Variants in RTF1 observed in about 807,000 individuals in gnomAD.
RTF1 encodes RTF1 homolog, Paf1/RNA polymerase II complex component.
In RTF1, 10 loss-of-function variants were observed where a neutral mutation model predicts 95.7. That is an observed-to-expected ratio of 0.10 (90% CI 0.06 to 0.18). The LOEUF is 0.18. Ranked by LOEUF, RTF1 falls within the 10% of genes least tolerant of loss-of-function variation. The probability of loss-of-function intolerance (pLI) is 1.00; values close to 1 mark genes in which losing one functional copy is unlikely to be tolerated. For missense variants in RTF1, 458 were observed against 875.6 expected (o/e 0.52, Z 6.02); for synonymous variants, 305 against 311.8 (o/e 0.98, Z 0.23).
chr15:41,457,478 T>C (rs316612), intron 3 of RTF1, among the ~76,000 whole-genome samples, 194 bp from the exon 4 acceptor site: 2,933 of 152,094 alleles, frequency 0.019, 47 homozygotes, highest in Non-Finnish European at 0.03. Flanking sequence ...GGAGCTGAGA[T>C]TGTGCCACTG....
At chr15:41,451,790 G>A (rs1595433115) in intron 2 of RTF1, among the ~76,000 whole-genome samples, 1 of 152,070 alleles carries the variant, frequency 6.6e-6, no homozygotes, top group Non-Finnish European at 1.5e-5. Flanking sequence ...TCTCTGTACT[G>A]AAACCCAGAC....
At chr15:41,478,674 C>T (rs1044219657) in intron 15 of RTF1, 49 bp downstream of exon 15, 3 of 1,362,458 alleles carry the variant, frequency 2.2e-6, no homozygotes, top group African/African-American at 1.4e-5. Flanking sequence ...TTCTAGGACA[C>T]AAAATGAATT....
rs190549767 is a variant in RTF1, at chr15:41,454,812, T to C, written c.457+1764T>C. Among the ~76,000 whole-genome samples, 539 of 152,336 alleles carry C rather than the reference T, an allele frequency of 3.5e-3. 3 individuals carry two copies. The highest frequency in any genetic ancestry group is 0.012 in the African/African-American group (501 of 41,584). On this transcript the variant is annotated intron_variant, in intron 3 of 17. Coordinates refer to ENST00000389629, the MANE Select transcript of RTF1 (RefSeq NM_015138.5). ...GAAGTGGACATTTGATAACTGTTGC[T>C]ATTTCAACTTAAATTAACTAAAAAG... is the stretch of plus-strand genomic sequence containing the variant.
At chr15:41,474,246 C>CA (rs2050930949) in intron 8 of RTF1, among the ~76,000 whole-genome samples, 2 of 152,208 alleles carry the variant, frequency 1.3e-5, no homozygotes, top group African/African-American at 4.8e-5. Flanking sequence ...TGAGGACCTG[C>CA]AGCCATGCCA....
chr15:41,456,160 A>G (rs2050814307), intron 3 of RTF1, among the ~76,000 whole-genome samples: 1 of 148,632 alleles, frequency 6.7e-6, no homozygotes, highest in Non-Finnish European at 1.5e-5. Context: ...AACTGAGATC[A>G]GCCTAGGCAA....
At chr15:41,443,834 G>A (rs897965919) in intron 2 of RTF1, among the ~76,000 whole-genome samples, 4 of 152,028 alleles carry the variant, frequency 2.6e-5, no homozygotes, top group Non-Finnish European at 4.4e-5. Flanking sequence ...TTGGGAGGCC[G>A]AGACAGGCAG....
At chr15:41,477,837 G>T (rs373328024) in intron 14 of RTF1, among the ~76,000 whole-genome samples, 1 of 152,216 alleles carries the variant, frequency 6.6e-6, no homozygotes. Flanking sequence ...CGGGCGCGGT[G>T]TCTCACGCCT....
chr15:41,455,631 C>A (rs1422730396), intron 3 of RTF1, among the ~76,000 whole-genome samples: 1 of 151,018 alleles, frequency 6.6e-6, no homozygotes, highest in Admixed American at 6.6e-5. Context: ...ACAGTGAGAC[C>A]CTGTCTCTGC....
chr15:41,479,271 GT>G (rs2050958030), intron 16 of RTF1, 73 bp downstream of exon 16: 1 of 1,041,172 alleles, frequency 9.6e-7, no homozygotes, highest in African/African-American at 1.6e-5. Flanking sequence ...ACCTTGTCTA[GT>G]TTGGGCTTGA....
In RTF1 at chr15:41,472,119, G is replaced by C. The variant is rs1473425743; in HGVS notation, c.1203+770G>C. 2.6e-5 allele frequency among the ~76,000 whole-genome samples: 4 copies of C among 151,918 alleles called. No individual in the cohort carries two copies. In the South Asian group the frequency reaches 8.3e-4, roughly 32 times the overall value. ...TCACCATGTTGGCGAGGCTGGTCTT[G>C]AACTCTTGACCTTGTGATCCACCTG... On this transcript the variant is annotated intron_variant, in intron 8 of 17. Coordinates refer to ENST00000389629, the MANE Select transcript of RTF1 (RefSeq NM_015138.5).
intron 17 of RTF1, 34 bp downstream of exon 17, chr15:41,480,359 G>A: frequency 7.2e-7 from 1 of 1,381,662 alleles, no homozygotes; most frequent in African/African-American, 1.4e-5. Context: ...TGAGGGCTGA[G>A]AACCAGATGG....
chr15:41,418,679 A>G (rs977112774), intron 1 of RTF1, among the ~76,000 whole-genome samples: 2 of 151,816 alleles, frequency 1.3e-5, no homozygotes, highest in African/African-American at 2.4e-5. Flanking sequence ...GCGTGGTGGC[A>G]CATGCCTGTA....
chr15:41,463,848 T>G (rs1391446006), intron 4 of RTF1, among the ~76,000 whole-genome samples: 1 of 151,878 alleles, frequency 6.6e-6, no homozygotes, highest in East Asian at 1.9e-4. Context: ...TTTTTTGTTG[T>G]TGTTTGTTTG....
chr15:41,421,237 A>G (rs1387215700), intron 1 of RTF1, among the ~76,000 whole-genome samples: 1 of 152,104 alleles, frequency 6.6e-6, no homozygotes, highest in Non-Finnish European at 1.5e-5. Context: ...TGGGCGGATC[A>G]CCTGAGGTTG....
chr15:41,473,661 C>CA (rs1017935328), intron 8 of RTF1, among the ~76,000 whole-genome samples: 1 of 152,104 alleles, frequency 6.6e-6, no homozygotes, highest in Non-Finnish European at 1.5e-5. Flanking sequence ...CTCCTGGACT[C>CA]AAACGATCCT....
At chr15:41,434,280 G>T (rs1266399639) in intron 1 of RTF1, among the ~76,000 whole-genome samples, 1 of 151,800 alleles carries the variant, frequency 6.6e-6, no homozygotes, top group Non-Finnish European at 1.5e-5. Context: ...ACTGCACCTA[G>T]CACAAATGTT....
At chr15:41,444,333 A>T (rs929447391) in intron 2 of RTF1, among the ~76,000 whole-genome samples, 10 of 151,334 alleles carry the variant, frequency 6.6e-5, no homozygotes, top group African/African-American at 2.4e-4. Flanking sequence ...TTGCTCTGTC[A>T]TCCAGGCTGG....
rs1226415394 is a variant in RTF1 at position 41,417,201 on chromosome 15, C to T, written c.86C>T (p.Pro29Leu). Reference protein sequence around the residue: ...VPLAGGQEGSPGGGRRGSRGT... With the variant: ...VPLAGGQEGSLGGGRRGSRGT... ...CTGGCAGGCGGGCAAGAGGGGAGTC[C>T]GGGCGGCGGCCGGCGTGGGAGCCGG... is the stretch of plus-strand genomic sequence containing the variant. Residue 29 changes from proline to leucine, a missense_variant, in exon 1 of 18, where the codon CCG (proline) becomes CTG (leucine). By Grantham distance (98) the Pro-to-Leu change is moderately conservative. Around this residue, in one of 11 missense-constraint regions of RTF1, gnomAD observed 81 missense variants for 59.9 expected, o/e 1.35. Coordinates refer to ENST00000389629, the MANE Select transcript of RTF1 (RefSeq NM_015138.5). The T allele has an allele frequency of 7.9e-7, 1 of 1,262,720 alleles. No individual in the cohort carries two copies. Among genetic ancestry groups the T allele is most frequent in the Non-Finnish European group, 1.0e-6 (1 of 998,940 alleles). The allele number at this position is 1,262,720 out of a possible 1,614,324, so 78.2% of individuals were successfully genotyped here. A position where few individuals can be genotyped will look rare whatever the true frequency, so the allele number is the denominator to read the frequency against.
At chr15:41,418,361 A>G (rs2050582540) in intron 1 of RTF1, among the ~76,000 whole-genome samples, 1 of 152,238 alleles carries the variant, frequency 6.6e-6, no homozygotes, top group African/African-American at 2.4e-5. Context: ...TTGGTCTTAA[A>G]TGTAAAATGA....
Sources: gnomAD v4.1 joint callset for allele counts (sites outside exome capture counted in the v4.1 genomes callset) on GRCh38, gnomAD v4.1.1 for gene constraint, gnomAD v4.1.1 regional missense constraint, MANE v1.5 for transcripts, NCBI Gene and HGNC (gene_info 2026-07-23, HGNC 2026-07-21) for gene names.